The following OPN5 variants were observed in gnomAD, a reference collection of about 807,000 sequenced individuals.
OPN5 encodes opsin-5.
OPN5 carries 18 observed loss-of-function variants against 41.7 expected under a neutral mutation model. The ratio of observed to expected loss-of-function variants is 0.43; its 90% CI spans 0.30 to 0.64. The LOEUF is 0.64. Ranked by LOEUF, OPN5 falls within the 30% of genes least tolerant of loss-of-function variation. The pLI is 0.13. For synonymous variants in OPN5, 178 were observed against 164.3 expected, an observed-to-expected ratio of 1.08 and a Z score of -0.64; for missense variants, 318 against 434.5, an observed-to-expected ratio of 0.73 and a Z score of 2.38.
intron 4 of OPN5, among the ~76,000 whole-genome samples, chr6:47,801,126 T>A (rs1243925661): frequency 3.3e-5 from 5 of 152,212 alleles, no homozygotes; most frequent in Non-Finnish European, 7.3e-5. Flanking sequence ...TTTTACTGAA[T>A]CACATGTTTA....
chr6:47,824,680 T>C (rs1283243882), exon 7 of OPN5: 3 of 152,146 alleles, frequency 2.0e-5, no homozygotes, highest in Admixed American at 1.3e-4. Context: ...CAGATGTGAG[T>C]TCCATGTAGG....
At chr6:47,796,907 C>T (rs1032906197) in intron 4 of OPN5, among the ~76,000 whole-genome samples, 32 of 152,142 alleles carry the variant, frequency 2.1e-4, no homozygotes, top group Non-Finnish European at 1.5e-5. Context: ...TTCCACATGG[C>T]TGAGGAGGCC....
intron 4 of OPN5, among the ~76,000 whole-genome samples, chr6:47,804,074 G>A (rs571209713): frequency 6.6e-6 from 1 of 152,274 alleles, no homozygotes; most frequent in African/African-American, 2.4e-5. Flanking sequence ...AGCAATTATG[G>A]ACAACACTGC....
At chr6:47,817,934 AG>A (rs1762480252) in intron 6 of OPN5, among the ~76,000 whole-genome samples, 1 of 152,174 alleles carries the variant, frequency 6.6e-6, no homozygotes, top group Non-Finnish European at 1.5e-5. Context: ...GTGAAACACT[AG>A]GGACAAAGGC....
Position 47,791,981 on chromosome 6 carries a change from G to A in OPN5, c.421+9G>A, listed in dbSNP as rs768341346. On this transcript the variant is annotated intron_variant, in intron 3 of 6. Transcript: ENST00000371211. Reference sequence around the variant, plus strand: ...CTGCTATTTATCTTATGGTAAGTTGGCAGGTTTCTCATTCCCTGACAGTTA... The same window carrying A: ...CTGCTATTTATCTTATGGTAAGTTGACAGGTTTCTCATTCCCTGACAGTTA... 1.2e-6 allele frequency: 2 copies of A among 1,608,604 alleles called. No individual in the cohort carries two copies. Among genetic ancestry groups the A allele is most frequent in the Non-Finnish European group, 1.7e-6 (2 of 1,176,196 alleles).
At chr6:47,784,677 T>C (rs914931930) in intron 1 of OPN5, among the ~76,000 whole-genome samples, 1 of 151,932 alleles carries the variant, frequency 6.6e-6, no homozygotes, top group African/African-American at 2.4e-5. Context: ...ATACTAGAAG[T>C]CTTAAGAGAC....
chr6:47,790,390 A>G (rs2113954437), intron 2 of OPN5, among the ~76,000 whole-genome samples: 1 of 151,770 alleles, frequency 6.6e-6, no homozygotes, highest in African/African-American at 2.4e-5. Flanking sequence ...CCTTCAGGGG[A>G]CACTCTCTCT....
At position 47,803,564 on chromosome 6, in the gene OPN5, C is replaced by T. The variant is rs947565993; in HGVS notation, c.757-4590C>T. The stretch of plus-strand genomic sequence containing the variant: ...CTAGCCACTGAAATATCTTTGTTAT[C>T]CCCATTCTAATTGGTTCTGTAATGT... On this transcript the variant is annotated intron_variant, in intron 4 of 6. Coordinates refer to ENST00000371211, the Ensembl canonical transcript of OPN5. 2.6e-5 allele frequency among the ~76,000 whole-genome samples: 4 copies of T among 152,308 alleles called. No individual in the cohort carries two copies. The South Asian group carries it at 8.3e-4, about 32-fold the overall frequency.
rs542711267 is a variant in OPN5 at position 47,792,293 on chromosome 6, G to C, written c.421+321G>C. Among the ~76,000 whole-genome samples the C allele has an allele frequency of 9.2e-5, 14 of 152,282 alleles. No homozygotes were observed. The South Asian group carries it at 2.5e-3, about 27-fold the overall frequency. On this transcript the variant is annotated intron_variant, in intron 3 of 6. Coordinates refer to ENST00000371211, the Ensembl canonical transcript of OPN5. ...CAAAAGAAATAAAGTGCATCGAAAG[G>C]GTGTTAAGTCCAAGATGTTTAGCTC... is the stretch of plus-strand genomic sequence containing the variant.
chr6:47,820,241 T>C (rs1206566853), intron 6 of OPN5, among the ~76,000 whole-genome samples: 1 of 152,162 alleles, frequency 6.6e-6, no homozygotes, highest in Admixed American at 6.5e-5. Flanking sequence ...TCTGCTCTAC[T>C]TTTTTACTTG....
At chr6:47,793,541 C>T (rs2113960090) in intron 3 of OPN5, among the ~76,000 whole-genome samples, 1 of 152,304 alleles carries the variant, frequency 6.6e-6, no homozygotes, top group South Asian at 2.1e-4. Context: ...ACCACTTGGC[C>T]TCTTCTTGAA....
chr6:47,820,595 C>T (rs1010981926), intron 6 of OPN5, among the ~76,000 whole-genome samples: 4 of 152,138 alleles, frequency 2.6e-5, no homozygotes, highest in African/African-American at 9.7e-5. Flanking sequence ...TGCATCAAAT[C>T]CTAACTTGGC....
At chr6:47,789,886 G>A (rs956316522) in intron 2 of OPN5, among the ~76,000 whole-genome samples, 1 of 132,774 alleles carries the variant, frequency 7.5e-6, no homozygotes. Flanking sequence ...GGTTTGAAGA[G>A]CTTCCTCAGT....
intron 1 of OPN5, among the ~76,000 whole-genome samples, chr6:47,785,000 A>G (rs115314974): frequency 1.3e-5 from 2 of 151,698 alleles, no homozygotes; most frequent in African/African-American, 2.4e-5. Flanking sequence ...TAGAGAGGTG[A>G]CTATTTTTTG....
At chr6:47,787,792 T>C (rs1305304676) in intron 2 of OPN5, among the ~76,000 whole-genome samples, 1 of 151,888 alleles carries the variant, frequency 6.6e-6, no homozygotes, top group Non-Finnish European at 1.5e-5. Flanking sequence ...ACAAAACAAA[T>C]AAAAAATAGC....
At chr6:47,787,590 G>A (rs1043447691) in intron 2 of OPN5, among the ~76,000 whole-genome samples, 2 of 152,068 alleles carry the variant, frequency 1.3e-5, no homozygotes, top group Non-Finnish European at 2.9e-5. Flanking sequence ...GTAGTTTCCC[G>A]TCAAAAGCCT....
chr6:47,808,101 C>A, intron 4 of OPN5, 53 bp from the exon 5 acceptor site: 1 of 1,598,748 alleles, frequency 6.3e-7, no homozygotes, highest in South Asian at 1.1e-5. Flanking sequence ...GTTTCAGACT[C>A]ATGTCCTTTA....
chr6:47,808,745 A>G (rs181802522), intron 5 of OPN5, among the ~76,000 whole-genome samples: 238 of 150,648 alleles, frequency 1.6e-3, no homozygotes, highest in African/African-American at 5.2e-3. Context: ...CATGGCTTTG[A>G]TCTCACAATA....
intron 4 of OPN5, 145 bp from the exon 5 acceptor site, chr6:47,808,009 G>C (rs1301658041): frequency 1.3e-6 from 1 of 770,666 alleles, no homozygotes; most frequent in African/African-American, 1.7e-5. Flanking sequence ...CATATGAAAT[G>C]ATTCCTATGT....
Sources: gnomAD v4.1 joint callset for allele counts (sites outside exome capture counted in the v4.1 genomes callset) on GRCh38, gnomAD v4.1.1 for gene constraint, MANE v1.5 for transcripts, NCBI Gene and HGNC (gene_info 2026-07-23, HGNC 2026-07-21) for gene names.